The following UNC13C variants were observed in gnomAD, a reference collection of about 807,000 sequenced individuals.
UNC13C encodes unc-13 homolog C, also known as protein unc-13 homolog C.
Under a neutral mutation model 245.4 loss-of-function variants are expected in UNC13C, and 174 were observed. The observed-to-expected ratio is 0.71, with a 90% confidence interval of 0.63 to 0.80. The LOEUF (loss-of-function observed/expected upper bound fraction) is 0.80, where lower values mean the gene tolerates loss of function less well. UNC13C is among the 30% of genes least tolerant of loss of function. UNC13C has a pLI of 0.00. For missense variants in UNC13C, 2,829 were observed against 2,602.9 expected (o/e 1.09, Z -1.89); for synonymous variants, 992 against 895.1 (o/e 1.11, Z -1.93).
intron 8 of UNC13C, among the ~76,000 whole-genome samples, chr15:54,253,337 A>T (rs763845712): frequency 1.3e-5 from 2 of 152,174 alleles, no homozygotes; most frequent in Admixed American, 1.3e-4. Context: ...TGTCCAGTCA[A>T]TTCCCCAAAG....
intron 17 of UNC13C, among the ~76,000 whole-genome samples, chr15:54,380,868 T>C (rs1423031750): frequency 6.6e-6 from 1 of 152,188 alleles, no homozygotes; most frequent in Non-Finnish European, 1.5e-5. Context: ...TAACTCCTTA[T>C]CAAATGTATA....
chr15:54,161,241 G>T (rs113187219), intron 4 of UNC13C, among the ~76,000 whole-genome samples: 49 of 152,214 alleles, frequency 3.2e-4, no homozygotes, highest in African/African-American at 1.1e-3. Flanking sequence ...CGAGACCACA[G>T]GTGCATGCTA....
chr15:54,167,070 C>T (rs1160362674), intron 4 of UNC13C, among the ~76,000 whole-genome samples: 4 of 152,222 alleles, frequency 2.6e-5, no homozygotes, highest in South Asian at 2.1e-4. Context: ...TACTACCTGA[C>T]TCCAAGATAT....
chr15:54,494,729 C>T lies in UNC13C; in HGVS notation c.5055C>T (p.Tyr1685=). The T allele has an allele frequency of 1.9e-6, 3 of 1,609,820 alleles. No homozygotes were observed. Among genetic ancestry groups the T allele is most frequent in the Non-Finnish European group, 1.7e-6 (2 of 1,178,134 alleles). ...CCTTCAAGGATGCTGTTCCTGAATA[C>T]TCCTTGTAAGTAGTGATTTTAACAC... The part of the protein sequence containing the change: ...LPAFKDAVPE[Y]SLWFEPFVMQ... The change falls in exon 20 of 33, where the codon TAC becomes TAT. Residue 1685 remains tyrosine, a synonymous_variant. Transcript: ENST00000260323.
chr15:53,884,831 T>C, the UNC13C span, among the ~76,000 whole-genome samples: 1 of 152,276 alleles, frequency 6.6e-6, no homozygotes, highest in African/African-American at 2.4e-5. Flanking sequence ...CCTTTACTCC[T>C]ACTGCTGCTA....
intron 24 of UNC13C, among the ~76,000 whole-genome samples, chr15:54,514,050 G>T (rs1016682322): frequency 6.6e-6 from 1 of 152,094 alleles, no homozygotes; most frequent in Non-Finnish European, 1.5e-5. Flanking sequence ...AATTGATACA[G>T]AATTATGATA....
At chr15:54,248,527 C>T (rs994966957) in intron 7 of UNC13C, among the ~76,000 whole-genome samples, 1 of 152,068 alleles carries the variant, frequency 6.6e-6, no homozygotes, top group Non-Finnish European at 1.5e-5. Context: ...CTTTATAAGA[C>T]ATCTTTATTA....
intron 4 of UNC13C, among the ~76,000 whole-genome samples, chr15:54,180,717 A>G (rs8038469): frequency 0.11 from 16,153 of 151,726 alleles, 1,446 homozygotes; most frequent in African/African-American, 0.24. Context: ...ATCTCATTGT[A>G]GTTTTGACTT....
At chr15:54,522,517 G>T (rs1895267260) in intron 24 of UNC13C, among the ~76,000 whole-genome samples, 1 of 151,290 alleles carries the variant, frequency 6.6e-6, no homozygotes, top group Non-Finnish European at 1.5e-5. Flanking sequence ...ACAACAAAAA[G>T]TCTTGCCTAC....
At chr15:54,440,189 T>C (rs1266214465) in intron 19 of UNC13C, among the ~76,000 whole-genome samples, 2 of 152,002 alleles carry the variant, frequency 1.3e-5, no homozygotes, top group African/African-American at 2.4e-5. Flanking sequence ...CCTCCTGTCA[T>C]GTGAGAAGGT....
At chr15:54,495,023 A>G (rs1567326663) in intron 20 of UNC13C, among the ~76,000 whole-genome samples, 1 of 152,056 alleles carries the variant, frequency 6.6e-6, no homozygotes, top group South Asian at 2.1e-4. Flanking sequence ...TAAAAATACC[A>G]GAACACAGAT....
At chr15:53,864,491 T>C in the UNC13C span, among the ~76,000 whole-genome samples, 3 of 152,234 alleles carry the variant, frequency 2.0e-5, no homozygotes, top group Admixed American at 6.5e-5. Context: ...GCAGACTTAT[T>C]GCATGATTAT....
chr15:53,949,903 A>T, the UNC13C span, among the ~76,000 whole-genome samples: 8 of 152,372 alleles, frequency 5.3e-5, no homozygotes, highest in East Asian at 1.5e-3. Flanking sequence ...GTCTTATAAT[A>T]AATTCAGGTT....
At chr15:54,263,451 C>A (rs563356841) in intron 8 of UNC13C, among the ~76,000 whole-genome samples, 1 of 152,262 alleles carries the variant, frequency 6.6e-6, no homozygotes, top group Admixed American at 6.5e-5. Context: ...AAATCTCTCA[C>A]TGACAGAATG....
chr15:53,875,417 G>A, the UNC13C span, among the ~76,000 whole-genome samples: 1 of 152,120 alleles, frequency 6.6e-6, no homozygotes, highest in Non-Finnish European at 1.5e-5. Context: ...TTTTGCAACA[G>A]GTTGCTGCAC....
chr15:54,207,011 G>A (rs983961656), intron 4 of UNC13C, among the ~76,000 whole-genome samples: 5 of 151,950 alleles, frequency 3.3e-5, no homozygotes, highest in South Asian at 2.1e-4. Flanking sequence ...CAAAAATACC[G>A]TGGGCCCTAA....
chr15:54,210,388 G>A (rs146353594), intron 4 of UNC13C, among the ~76,000 whole-genome samples: 129 of 151,670 alleles, frequency 8.5e-4, no homozygotes, highest in African/African-American at 3.0e-3. Context: ...TCATAAATGA[G>A]GATTGTGTGG....
At chr15:54,511,981 A>G (rs981434960) in intron 24 of UNC13C, among the ~76,000 whole-genome samples, 151 bp downstream of exon 24, 3 of 152,194 alleles carry the variant, frequency 2.0e-5, no homozygotes, top group Non-Finnish European at 4.4e-5. Context: ...AACAACTAAA[A>G]TGATTATTAT....
intron 19 of UNC13C, among the ~76,000 whole-genome samples, chr15:54,438,874 TA>T (rs1890367427): frequency 6.6e-6 from 1 of 151,968 alleles, no homozygotes; most frequent in African/African-American, 2.4e-5. Context: ...CCCTCACCTT[TA>T]CACTTTACTC....
Sources: gnomAD v4.1 joint callset for allele counts (sites outside exome capture counted in the v4.1 genomes callset) on GRCh38, gnomAD v4.1.1 for gene constraint, MANE v1.5 for transcripts, NCBI Gene and HGNC (gene_info 2026-07-23, HGNC 2026-07-21) for gene names.